PCGF6: variants seen among roughly 807,000 people sequenced by gnomAD.
The protein encoded by PCGF6 is polycomb group RING finger protein 6.
PCGF6 carries 24 observed loss-of-function variants against 45.5 expected under a neutral mutation model. That is an observed-to-expected ratio of 0.53 (90% CI 0.38 to 0.74). The LOEUF is 0.74. Ranked by LOEUF, PCGF6 falls within the 30% of genes least tolerant of loss-of-function variation. The probability of loss-of-function intolerance (pLI) is 0.00; values close to 1 mark genes in which losing one functional copy is unlikely to be tolerated. For synonymous variants in PCGF6, 152 were observed against 162.1 expected, an observed-to-expected ratio of 0.94 and a Z score of 0.47; for missense variants, 356 against 443.2, an observed-to-expected ratio of 0.80 and a Z score of 1.77.
chr10:103,322,350 C>T (rs763570187), intron 8 of PCGF6, among the ~76,000 whole-genome samples: 3 of 152,026 alleles, frequency 2.0e-5, no homozygotes, highest in Middle Eastern at 3.2e-3. Flanking sequence ...TACAGGTGTG[C>T]GCTTAATTTT....
chr10:103,340,709 C>T (rs1432488525), intron 6 of PCGF6, among the ~76,000 whole-genome samples: 1 of 152,004 alleles, frequency 6.6e-6, no homozygotes, highest in Non-Finnish European at 1.5e-5. Context: ...CGATCCTCCC[C>T]CATCAGCCTC....
At chr10:103,311,833 AATCC>A (rs1289677212) in intron 9 of PCGF6, among the ~76,000 whole-genome samples, 1 of 151,266 alleles carries the variant, frequency 6.6e-6, no homozygotes, top group East Asian at 2.0e-4. Context: ...TCATGCCTGT[AATCC>A]CAGCACTTTG....
At chr10:103,319,661 G>A (rs2093189413) in intron 8 of PCGF6, among the ~76,000 whole-genome samples, 1 of 151,820 alleles carries the variant, frequency 6.6e-6, no homozygotes, top group Non-Finnish European at 1.5e-5. Context: ...TCTCATCTTT[G>A]TACTCCTAAG....
intron 9 of PCGF6, among the ~76,000 whole-genome samples, chr10:103,311,620 G>T (rs1352280261): frequency 6.6e-6 from 1 of 151,928 alleles, no homozygotes; most frequent in Non-Finnish European, 1.5e-5. Flanking sequence ...CGCATTTCTT[G>T]TCTTTAATAG....
In PCGF6 at chr10:103,320,748, G is replaced by C. The variant is rs534697372; in HGVS notation, c.909+5786C>G. On this transcript the variant is annotated intron_variant, in intron 8 of 9. Transcript: ENST00000369847. ...TGGAATTGTCTTGTTTTTAAAATTT[G>C]ATCTGCCACAAAAAACTTTAAAGTT... is the stretch of plus-strand genomic sequence containing the variant. Among the ~76,000 whole-genome samples the C allele has an allele frequency of 2.1e-4, 32 of 151,782 alleles. No homozygotes were observed. The South Asian group carries it at 6.1e-3, about 29-fold the overall frequency.
chr10:103,320,368 T>C (rs1251616252), intron 8 of PCGF6, among the ~76,000 whole-genome samples: 1 of 152,118 alleles, frequency 6.6e-6, no homozygotes, highest in South Asian at 2.1e-4. Flanking sequence ...ATCTCTAAAT[T>C]TTAAATGAAC....
Position 103,350,733 on chromosome 10 carries a change from G to A in PCGF6, c.334C>T (p.Arg112Trp), listed in dbSNP as rs777672917. Reference sequence around the variant, plus strand: ...TCCTCCTCGTCCTCCGAGTCCTGCCGGCCTCCCTCCAGCCTCAACGAGAAG... The same window carrying A: ...TCCTCCTCGTCCTCCGAGTCCTGCCAGCCTCCCTCCAGCCTCAACGAGAAG... ...SHFSLRLEGG[R>W]QDSEDEEERL... The change falls in exon 1 of 10, where the codon CGG becomes TGG. Residue 112 changes from arginine to tryptophan, a missense_variant. Physicochemically the swap from Arg to Trp is moderately radical, Grantham distance 101. Transcript: ENST00000369847. 1.9e-6 allele frequency: 3 copies of A among 1,541,624 alleles called. No individual in the cohort carries two copies. Among genetic ancestry groups the A allele is most frequent in the South Asian group, 1.2e-5 (1 of 81,910 alleles).
intron 6 of PCGF6, 76 bp from the exon 7 acceptor site, chr10:103,334,028 A>G (rs2093248688): frequency 1.0e-6 from 1 of 984,736 alleles, no homozygotes. Flanking sequence ...ACATATATAA[A>G]TATTTGAGAA....
chr10:103,336,828 T>TC (rs1442196014), intron 6 of PCGF6, among the ~76,000 whole-genome samples: 1 of 151,900 alleles, frequency 6.6e-6, no homozygotes, highest in Non-Finnish European at 1.5e-5. Context: ...TGAGCCGAGG[T>TC]CGTGCCACTG....
intron 9 of PCGF6, among the ~76,000 whole-genome samples, chr10:103,308,932 G>A (rs1259008016): frequency 6.6e-6 from 1 of 152,040 alleles, no homozygotes; most frequent in Non-Finnish European, 1.5e-5. Context: ...CTGTGTTTCA[G>A]ACTTACATGG....
intron 9 of PCGF6, among the ~76,000 whole-genome samples, chr10:103,312,829 C>G (rs528468555): frequency 1.3e-5 from 2 of 152,156 alleles, no homozygotes; most frequent in South Asian, 4.1e-4. Context: ...GGCGTGGTGG[C>G]GCATGCCTGT....
chr10:103,330,876 C>A (rs1310959590), intron 7 of PCGF6, among the ~76,000 whole-genome samples: 2 of 152,192 alleles, frequency 1.3e-5, no homozygotes, highest in African/African-American at 2.4e-5. Context: ...TTGCAGTGAG[C>A]CCAGATTGCG....
At chr10:103,324,863 G>C (rs961430235) in intron 8 of PCGF6, among the ~76,000 whole-genome samples, 19 of 151,616 alleles carry the variant, frequency 1.3e-4, no homozygotes, top group African/African-American at 4.4e-4. Context: ...AGCTGGGCAT[G>C]GTGGCTCACG....
chr10:103,329,335 C>T (rs185617009), intron 7 of PCGF6, among the ~76,000 whole-genome samples: 9 of 151,614 alleles, frequency 5.9e-5, no homozygotes, highest in Admixed American at 6.6e-5. Context: ...CCACCGCACC[C>T]GGCCCCAATT....
chr10:103,304,074 C>A (rs759714064), intron 9 of PCGF6, 113 bp from the exon 10 acceptor site: 2 of 772,668 alleles, frequency 2.6e-6, no homozygotes, highest in South Asian at 1.8e-5. Context: ...AGGTGAAATT[C>A]TTTAATTTAA....
At chr10:103,307,176 C>T (rs928608102) in intron 9 of PCGF6, among the ~76,000 whole-genome samples, 1 of 151,980 alleles carries the variant, frequency 6.6e-6, no homozygotes, top group Non-Finnish European at 1.5e-5. Flanking sequence ...TGGCTCATGG[C>T]TCATGCCTGT....
chr10:103,329,574 T>C (rs2093232237), intron 7 of PCGF6, among the ~76,000 whole-genome samples: 1 of 150,762 alleles, frequency 6.6e-6, no homozygotes, highest in African/African-American at 2.4e-5. Flanking sequence ...GCCTCCCGAG[T>C]TCAAGCAATT....
chr10:103,351,069 T>TCG lies in PCGF6; in HGVS notation c.-5_-4dup. Reference sequence around the variant, plus strand: ...GTCACCACCGCGACCCCCTCCATGGTCGGGAGAGACACCAGGCGAGGCGAG... The same window carrying TCG: ...GTCACCACCGCGACCCCCTCCATGGTCGCGGGAGAGACACCAGGCGAGGCGAG... On this transcript the variant is annotated 5_prime_UTR_variant, in exon 1 of 10. Coordinates refer to ENST00000369847, the MANE Select transcript of PCGF6 (RefSeq NM_001011663.2). The TCG allele has an allele frequency of 2.9e-6, 4 of 1,378,490 alleles. No individual in the cohort carries two copies. The highest frequency in any genetic ancestry group is 3.8e-6 in the Non-Finnish European group (4 of 1,066,228). The allele number at this position is 1,378,490 out of a possible 1,614,324, so 85.4% of individuals were successfully genotyped here.
chr10:103,350,627 G>T, intron 1 of PCGF6, 80 bp downstream of exon 1: 1 of 1,327,386 alleles, frequency 7.5e-7, no homozygotes. Flanking sequence ...CTAGGATCGG[G>T]CCGGCGCCCG....
Sources: gnomAD v4.1 joint callset for allele counts (sites outside exome capture counted in the v4.1 genomes callset) on GRCh38, gnomAD v4.1.1 for gene constraint, MANE v1.5 for transcripts, NCBI Gene and HGNC (gene_info 2026-07-23, HGNC 2026-07-21) for gene names.